PHTF2: variants seen among roughly 807,000 people sequenced by gnomAD.
PHTF2 encodes protein PHTF2.
In PHTF2, 60 loss-of-function variants were observed where a neutral mutation model predicts 101.2. The ratio of observed to expected loss-of-function variants is 0.59; its 90% CI spans 0.48 to 0.73. The LOEUF is 0.73. PHTF2 is among the 30% of genes least tolerant of loss of function. PHTF2 has a pLI of 0.00. For missense variants in PHTF2, 747 were observed against 908.7 expected, an observed-to-expected ratio of 0.82 and a Z score of 2.29; for synonymous variants, 311 against 307.3, an observed-to-expected ratio of 1.01 and a Z score of -0.13.
intron 1 of PHTF2, among the ~76,000 whole-genome samples, chr7:77,829,729 T>C (rs1193318425): frequency 6.6e-6 from 1 of 152,222 alleles, no homozygotes; most frequent in Non-Finnish European, 1.5e-5. Flanking sequence ...GTTTTGGTTG[T>C]GGTGAAGGCA....
intron 3 of PHTF2, among the ~76,000 whole-genome samples, chr7:77,863,478 A>G (rs894991738): frequency 2.6e-5 from 4 of 152,178 alleles, no homozygotes; most frequent in Non-Finnish European, 5.9e-5. Context: ...ACCAAGGAGT[A>G]AATTACTAGG....
At chr7:77,890,095 A>G (rs1467794475) in intron 3 of PHTF2, among the ~76,000 whole-genome samples, 3 of 151,452 alleles carry the variant, frequency 2.0e-5, no homozygotes, top group Non-Finnish European at 4.4e-5. Flanking sequence ...AAATCTTTGA[A>G]TAAATGTGTC....
In PHTF2 at chr7:77,837,084, A is replaced by C. The variant is rs541801198; in HGVS notation, c.-35-3137A>C. 2.6e-5 allele frequency among the ~76,000 whole-genome samples: 4 copies of C among 152,270 alleles called. No individual in the cohort carries two copies. The East Asian group carries it at 7.7e-4, about 29-fold the overall frequency. On this transcript the variant is annotated intron_variant, in intron 1 of 19. Coordinates refer to ENST00000416283, the Ensembl canonical transcript of PHTF2. Reference sequence around the variant, plus strand: ...ACTGCCTAATGTTATGCCTGCAGTTAGCCCTATGGTTTTAGGATTGGATTA... The same window carrying C: ...ACTGCCTAATGTTATGCCTGCAGTTCGCCCTATGGTTTTAGGATTGGATTA...
intron 7 of PHTF2, among the ~76,000 whole-genome samples, chr7:77,902,411 T>A (rs1801480578): frequency 6.6e-6 from 1 of 152,214 alleles, no homozygotes; most frequent in African/African-American, 2.4e-5. Flanking sequence ...CAGGGACTGT[T>A]ACTATGCTTC....
Position 77,855,986 on chromosome 7 carries a change from C to T in PHTF2, c.147+1152C>T, listed in dbSNP as rs371919030. Among the ~76,000 whole-genome samples the T allele has an allele frequency of 4.6e-5, 7 of 152,090 alleles. No homozygotes were observed. In the East Asian group the frequency reaches 7.7e-4, roughly 17 times the overall value. Reference sequence around the variant, plus strand: ...TTTTTGGTTTTTATAGAGGTGCTTTCTTGTGTAGTTTGTTCAATTTGGTGT... The same window carrying T: ...TTTTTGGTTTTTATAGAGGTGCTTTTTTGTGTAGTTTGTTCAATTTGGTGT... On this transcript the variant is annotated intron_variant, in intron 3 of 19. Transcript: ENST00000416283.
At chr7:77,893,297 C>T (rs1800601110) in intron 3 of PHTF2, among the ~76,000 whole-genome samples, 1 of 152,036 alleles carries the variant, frequency 6.6e-6, no homozygotes, top group Non-Finnish European at 1.5e-5. Flanking sequence ...TGTTGTTCTC[C>T]TCTCTGTTCA....
At chr7:77,933,709 GTGTTT>G (rs773287448) in intron 12 of PHTF2, among the ~76,000 whole-genome samples, 1 of 127,260 alleles carries the variant, frequency 7.9e-6, no homozygotes. Flanking sequence ...CAGGGACCAT[GTGTTT>G]TTTTTTTTTT....
chr7:77,946,629 C>T (rs73375900), intron 16 of PHTF2, among the ~76,000 whole-genome samples: 16,732 of 152,144 alleles, frequency 0.11, 1,337 homozygotes, highest in African/African-American at 0.22. Flanking sequence ...CAAACTTCCT[C>T]TGTAAAGGGC....
In PHTF2 at chr7:77,854,895, T is replaced by G; in HGVS notation, c.147+61T>G. ...CAGCAGGCTTTGCTCTGGCCCATGCTGGGTCCAGAAATGCTGACCAGGACC... is the reference window on the plus strand; with the variant it reads ...CAGCAGGCTTTGCTCTGGCCCATGCGGGGTCCAGAAATGCTGACCAGGACC... On this transcript the variant is annotated intron_variant, in intron 3 of 19. Transcript: ENST00000416283. The G allele has an allele frequency of 4.3e-6, 3 of 704,436 alleles. No individual in the cohort carries two copies. The South Asian group carries it at 4.4e-5, about 10-fold the overall frequency. The allele number at this position is 704,436 out of a possible 1,614,324, so 43.6% of individuals were successfully genotyped here. A position where few individuals can be genotyped will look rare whatever the true frequency, so the allele number is the denominator to read the frequency against.
intron 5 of PHTF2, among the ~76,000 whole-genome samples, chr7:77,899,726 G>A (rs555314053): frequency 9.8e-4 from 149 of 152,216 alleles, no homozygotes; most frequent in African/African-American, 3.2e-3. Flanking sequence ...TTTTTACTTT[G>A]ATGGGGGGTG....
intron 16 of PHTF2, among the ~76,000 whole-genome samples, chr7:77,944,786 GATAAGTT>G (rs1805909630): frequency 6.6e-6 from 1 of 152,200 alleles, no homozygotes; most frequent in Non-Finnish European, 1.5e-5. Flanking sequence ...AAAAAGAACA[GATAAGTT>G]TGAAAAAGAA....
chr7:77,818,171 C>A (rs1261437843), intron 1 of PHTF2, among the ~76,000 whole-genome samples: 1 of 151,024 alleles, frequency 6.6e-6, no homozygotes, highest in African/African-American at 2.4e-5. Flanking sequence ...ATTCCCTGTC[C>A]CATGAATAGT....
intron 1 of PHTF2, among the ~76,000 whole-genome samples, chr7:77,799,190 C>A (rs1487073587): frequency 6.6e-6 from 1 of 152,204 alleles, no homozygotes; most frequent in Non-Finnish European, 1.5e-5. Context: ...CATCAGTCGG[C>A]CGGTGGCGGA....
In PHTF2 at chr7:77,873,162, C is replaced by T. The variant is rs896252520; in HGVS notation, c.147+18328C>T. 3.9e-5 allele frequency among the ~76,000 whole-genome samples: 6 copies of T among 152,170 alleles called. No individual in the cohort carries two copies. In the East Asian group the frequency reaches 9.7e-4, roughly 25 times the overall value. ...CAAGGTGGTCTCGATCTCCTGACCT[C>T]GTGATCCCCCTGCCTCAGTCTCCCA... On this transcript the variant is annotated intron_variant, in intron 3 of 19. Coordinates refer to ENST00000416283, the Ensembl canonical transcript of PHTF2.
intron 7 of PHTF2, among the ~76,000 whole-genome samples, chr7:77,903,856 A>G (rs1225496601): frequency 6.6e-6 from 1 of 152,252 alleles, no homozygotes; most frequent in Non-Finnish European, 1.5e-5. Flanking sequence ...TTATGTCCTC[A>G]TTCTTGTTCG....
chr7:77,942,738 A>G (rs1805730599), exon 16 of PHTF2: 1 of 1,603,892 alleles, frequency 6.2e-7, no homozygotes, highest in Non-Finnish European at 8.5e-7. Context: ...TAATAGTTTC[A>G]TCTGCTTTCT....
chr7:77,863,833 C>T (rs1797843633), intron 3 of PHTF2, among the ~76,000 whole-genome samples: 1 of 147,650 alleles, frequency 6.8e-6, no homozygotes, highest in Admixed American at 6.9e-5. Context: ...GTCGCCCAAG[C>T]TGGAGTGCAG....
chr7:77,900,537 A>G, intron 5 of PHTF2, 174 bp from the exon 5 acceptor site: 1 of 568,620 alleles, frequency 1.8e-6, no homozygotes, highest in South Asian at 2.0e-5. Flanking sequence ...GAACAATAAT[A>G]AAATTTATTA....
intron 3 of PHTF2, among the ~76,000 whole-genome samples, chr7:77,877,114 TC>T (rs1466384683): frequency 6.7e-6 from 1 of 150,106 alleles, no homozygotes; most frequent in Admixed American, 6.6e-5. Context: ...CTTTTCTCTC[TC>T]TTTTTTTTTT....
Sources: allele counts gnomAD v4.1 joint callset (sites outside exome capture counted in the v4.1 genomes callset), GRCh38; gene constraint gnomAD v4.1.1; transcripts MANE v1.5; gene names NCBI Gene and HGNC (gene_info 2026-07-23, HGNC 2026-07-21).